The following RP1 variants were observed in gnomAD, a reference collection of about 807,000 sequenced individuals.
The protein encoded by RP1 is RP1 axonemal microtubule associated.
RP1 carries 16 observed loss-of-function variants against 14.8 expected under a neutral mutation model. The observed-to-expected ratio is 1.08, with a 90% CI of 0.73 to 1.65. RP1 has a LOEUF of 1.65. Ranked by LOEUF, RP1 falls within the 40% of genes most tolerant of loss-of-function variation. RP1 has a pLI of 0.00. For synonymous variants in RP1, 876 were observed against 883.6 expected (o/e 0.99, Z 0.15); for missense variants, 2,631 against 2,535.0 (o/e 1.04, Z -0.81).
At chr8:54,832,949 C>T (rs1366788018) in intron 24 of RP1, among the ~76,000 whole-genome samples, 1 of 151,952 alleles carries the variant, frequency 6.6e-6, no homozygotes, top group Non-Finnish European at 1.5e-5. Flanking sequence ...GTAACTCAAA[C>T]TTTAAAGTCT....
chr8:54,841,860 T>C (rs1226365546), intron 25 of RP1, among the ~76,000 whole-genome samples: 2 of 152,176 alleles, frequency 1.3e-5, no homozygotes, highest in African/African-American at 2.4e-5. Flanking sequence ...AAGGTGAGGT[T>C]CGAGGCCACA....
intron 24 of RP1, among the ~76,000 whole-genome samples, chr8:54,817,878 AG>A (rs1343975516): frequency 5.9e-5 from 9 of 152,218 alleles, no homozygotes; most frequent in African/African-American, 2.2e-4. Flanking sequence ...AAGTTCCACT[AG>A]CAGAGAAAGT....
chr8:54,808,492 G>A (rs1485367049), intron 24 of RP1, among the ~76,000 whole-genome samples: 4 of 152,144 alleles, frequency 2.6e-5, no homozygotes, highest in African/African-American at 2.4e-5. Context: ...GCTAGCATGT[G>A]GGGTACAGGG....
intron 3 of RP1, among the ~76,000 whole-genome samples, chr8:54,643,475 G>A (rs954374233): frequency 6.6e-6 from 1 of 152,132 alleles, no homozygotes; most frequent in Non-Finnish European, 1.5e-5. Context: ...TCTGACTAGG[G>A]TTTTGATCAT....
chr8:54,606,341 T>G (rs1805441479), intron 1 of RP1, among the ~76,000 whole-genome samples: 1 of 152,048 alleles, frequency 6.6e-6, no homozygotes, highest in Non-Finnish European at 1.5e-5. Flanking sequence ...AGTTGAAAAT[T>G]CTTTTCTTTA....
chr8:54,562,809 C>T (rs1425511272), intron 1 of RP1, among the ~76,000 whole-genome samples: 1 of 152,166 alleles, frequency 6.6e-6, no homozygotes, highest in Non-Finnish European at 1.5e-5. Flanking sequence ...TAGATGGCAT[C>T]TTCTTTCACA....
intron 1 of RP1, among the ~76,000 whole-genome samples, chr8:54,562,144 G>T (rs1190345407): frequency 6.6e-6 from 1 of 152,128 alleles, no homozygotes; most frequent in South Asian, 2.1e-4. Flanking sequence ...AAACTCAGCA[G>T]CTTTGCTATT....
chr8:54,596,231 C>T lies in RP1; in HGVS notation c.-12-24724C>T, dbSNP rs79311059. ...TAGATCGGTTTCATCTGTTCAACAACTGATGGAAATGTGAAATTCCATTGT... is the reference window on the plus strand; with the variant it reads ...TAGATCGGTTTCATCTGTTCAACAATTGATGGAAATGTGAAATTCCATTGT... On this transcript the variant is annotated intron_variant, in intron 1 of 22. Coordinates refer to the RP1 transcript ENST00000636932. Among the ~76,000 whole-genome samples, 337 of 152,290 alleles carry T rather than the reference C, an allele frequency of 2.2e-3. 1 individual carries two copies. Among genetic ancestry groups the T allele is most frequent in the African/African-American group, 7.5e-3 (313 of 41,560 alleles).
chr8:54,621,069 G>T lies in RP1; in HGVS notation c.103G>T (p.Ala35Ser), dbSNP rs199850045. ...TTTGAGCCTCACTCATCCTGTTGTG[G>T]CCAAGCGAATCAGTTTCTACAAGAG... ...RHLSLTHPVV[A>S]KRISFYKSGD... The change falls in exon 2 of 4, where the codon GCC (alanine) becomes TCC (serine). Residue 35 changes from alanine to serine, a missense_variant. Coordinates refer to ENST00000220676, the MANE Select transcript of RP1 (RefSeq NM_006269.2). The T allele has an allele frequency of 8.1e-6, 13 of 1,614,010 alleles. No homozygotes were observed. The highest frequency in any genetic ancestry group is 1.1e-5 in the South Asian group (1 of 91,082).
chr8:54,833,558 G>A (rs1449596172), intron 24 of RP1, among the ~76,000 whole-genome samples: 2 of 151,966 alleles, frequency 1.3e-5, no homozygotes, highest in African/African-American at 4.8e-5. Context: ...GGAGAAATAT[G>A]ACTGCTATGT....
chr8:54,569,233 C>A (rs539691998), intron 1 of RP1, among the ~76,000 whole-genome samples: 9 of 152,298 alleles, frequency 5.9e-5, no homozygotes, highest in Non-Finnish European at 1.0e-4. Context: ...AAAGACCAGG[C>A]CACCTGTCTG....
chr8:54,755,056 C>G, intron 20 of RP1: 1 of 1,112,202 alleles, frequency 9.0e-7, no homozygotes, highest in Admixed American at 3.7e-5. Context: ...AGTTGTTTTA[C>G]TCTTGAGAAG....
At chr8:54,722,115 C>T (rs1411707547) in intron 16 of RP1, among the ~76,000 whole-genome samples, 3 of 151,354 alleles carry the variant, frequency 2.0e-5, no homozygotes, top group Non-Finnish European at 2.9e-5. Flanking sequence ...TGGTGGTGCA[C>T]GCCTGTAATC....
chr8:54,747,005 C>T (rs1473566835), intron 19 of RP1, among the ~76,000 whole-genome samples: 2 of 152,160 alleles, frequency 1.3e-5, no homozygotes, highest in African/African-American at 4.8e-5. Flanking sequence ...TATTTCCCTT[C>T]CCTCCAAAAT....
intron 18 of RP1, among the ~76,000 whole-genome samples, chr8:54,735,391 C>T (rs1268807903): frequency 1.3e-5 from 2 of 152,160 alleles, no homozygotes; most frequent in Non-Finnish European, 2.9e-5. Flanking sequence ...TTCCACTTCA[C>T]TAATTCACCC....
intron 3 of RP1, among the ~76,000 whole-genome samples, chr8:54,637,366 C>T (rs1806370212): frequency 6.6e-6 from 1 of 152,218 alleles, no homozygotes; most frequent in African/African-American, 2.4e-5. Flanking sequence ...CAGAACCACA[C>T]AGTAGACCTG....
chr8:54,767,685 GCTGA>G (rs910429678), intron 22 of RP1, among the ~76,000 whole-genome samples: 24 of 152,144 alleles, frequency 1.6e-4, no homozygotes, highest in Admixed American at 1.5e-3. Flanking sequence ...TAAACATGAA[GCTGA>G]CTGTCTTTAT....
chr8:54,627,611 G>A lies in RP1; in HGVS notation c.3729G>A (p.Glu1243=), dbSNP rs1806106438. The A allele has an allele frequency of 6.2e-7, 1 of 1,614,196 alleles. No individual in the cohort carries two copies. Among genetic ancestry groups the A allele is most frequent in the African/African-American group, 1.3e-5 (1 of 75,060 alleles). ...SSLDGGCSAS[E]ACAPEVCVLE... ...TGGATGGAGGTTGCTCTGCCAGTGA[G>A]GCATGTGCCCCTGAAGTCTGTGTTT... is the stretch of plus-strand genomic sequence containing the variant. The change falls in exon 4 of 4, where the codon GAG becomes GAA. Residue 1243 remains glutamate, a synonymous_variant. Transcript: ENST00000220676.
chr8:54,815,491 A>G lies in RP1; in HGVS notation c.3616-21959A>G, dbSNP rs182242471. Among the ~76,000 whole-genome samples, 5 of 152,372 alleles carry G rather than the reference A, an allele frequency of 3.3e-5. No homozygotes were observed. In the East Asian group the frequency reaches 9.6e-4, roughly 29 times the overall value. The stretch of plus-strand genomic sequence containing the variant: ...CTAATATTGATTTGCTGTACTCCAG[A>G]CAATGTTGCTTGGTAACAATATTCC... On this transcript the variant is annotated intron_variant, in intron 24 of 28. Transcript: ENST00000637698.
Sources: gnomAD v4.1 joint callset for allele counts (sites outside exome capture counted in the v4.1 genomes callset) on GRCh38, gnomAD v4.1.1 for gene constraint, MANE v1.5 for transcripts, NCBI Gene and HGNC (gene_info 2026-07-23, HGNC 2026-07-21) for gene names.